Variants in SLC23A2 observed in about 807,000 individuals in gnomAD.
SLC23A2 encodes solute carrier family 23 member 2.
A neutral mutation model predicts 73.3 loss-of-function variants in SLC23A2; 36 were observed. The observed-to-expected ratio is 0.49, with a 90% CI of 0.38 to 0.65. SLC23A2 has a LOEUF of 0.65. SLC23A2 is among the 30% of genes least tolerant of loss of function. The pLI is 0.00. For synonymous variants in SLC23A2, 343 were observed against 327.3 expected, an observed-to-expected ratio of 1.05 and a Z score of -0.52; for missense variants, 507 against 841.6, an observed-to-expected ratio of 0.60 and a Z score of 4.92.
chr20:4,934,783 A>G (rs1307787260), intron 2 of SLC23A2, among the ~76,000 whole-genome samples: 1 of 151,948 alleles, frequency 6.6e-6, no homozygotes, highest in Non-Finnish European at 1.5e-5. Flanking sequence ...GGATCACTCG[A>G]ACCTGGGAGC....
chr20:4,925,193 A>G (rs1288816283), intron 3 of SLC23A2, among the ~76,000 whole-genome samples: 1 of 152,112 alleles, frequency 6.6e-6, no homozygotes, highest in Non-Finnish European at 1.5e-5. Flanking sequence ...AAAAAAAAAA[A>G]AAAAGGATGG....
intron 1 of SLC23A2, among the ~76,000 whole-genome samples, chr20:4,989,694 T>G (rs1388291776): frequency 6.6e-6 from 1 of 151,768 alleles, no homozygotes; most frequent in Non-Finnish European, 1.5e-5. Flanking sequence ...AATTTGCATA[T>G]GAAATAAAGT....
chr20:4,969,578 TC>T (rs2087529959), intron 2 of SLC23A2, among the ~76,000 whole-genome samples: 1 of 149,278 alleles, frequency 6.7e-6, no homozygotes, highest in African/African-American at 2.5e-5. Flanking sequence ...TCTGACAGCA[TC>T]CTTTTTTTTT....
intron 1 of SLC23A2, among the ~76,000 whole-genome samples, chr20:4,982,623 A>G (rs2087744424): frequency 1.3e-5 from 2 of 152,160 alleles, no homozygotes; most frequent in African/African-American, 4.8e-5. Flanking sequence ...ATATGAAGCT[A>G]TACTAATTAA....
intron 1 of SLC23A2, among the ~76,000 whole-genome samples, chr20:4,972,389 C>G (rs1008311763): frequency 1.3e-5 from 2 of 148,756 alleles, no homozygotes; most frequent in African/African-American, 5.0e-5. Flanking sequence ...AAACACTGGT[C>G]TTGTGCTATT....
At chr20:4,870,578 A>C (rs534895408) in intron 11 of SLC23A2, among the ~76,000 whole-genome samples, 23,213 of 149,136 alleles carry the variant, frequency 0.16, 2,008 homozygotes, top group African/African-American at 0.24. Flanking sequence ...CTCCATCTCA[A>C]AAAAAAAAAA....
chr20:4,956,426 T>A (rs2087289234), intron 2 of SLC23A2, among the ~76,000 whole-genome samples: 1 of 152,222 alleles, frequency 6.6e-6, no homozygotes, highest in Non-Finnish European at 1.5e-5. Flanking sequence ...TAATGGCACT[T>A]GGTAGAAGAA....
chr20:4,961,146 C>T (rs1600176097), intron 2 of SLC23A2, among the ~76,000 whole-genome samples: 1 of 138,498 alleles, frequency 7.2e-6, no homozygotes, highest in African/African-American at 2.7e-5. Flanking sequence ...CTCGCTCTGT[C>T]GCCCAGGCTG....
At chr20:4,922,117 AATC>A (rs1932516837) in intron 3 of SLC23A2, among the ~76,000 whole-genome samples, 1 of 152,200 alleles carries the variant, frequency 6.6e-6, no homozygotes, top group Admixed American at 6.5e-5. Context: ...TTTTATCTCT[AATC>A]ATTAAAACTA....
intron 1 of SLC23A2, among the ~76,000 whole-genome samples, chr20:4,987,909 A>G (rs1398333459): frequency 2.0e-5 from 3 of 152,040 alleles, no homozygotes; most frequent in African/African-American, 7.2e-5. Flanking sequence ...ATACCACTAA[A>G]GAATATTTAC....
intron 6 of SLC23A2, among the ~76,000 whole-genome samples, chr20:4,896,318 G>A (rs968988423): frequency 9.9e-5 from 15 of 152,108 alleles, no homozygotes; most frequent in Middle Eastern, 3.2e-3. Flanking sequence ...GAGGCCGTGC[G>A]GAGCAGGAGC....
At position 4,900,685 on chromosome 20, in the gene SLC23A2, T is replaced by A. The variant is rs567324986; in HGVS notation, c.325-973A>T. Among the ~76,000 whole-genome samples the A allele has an allele frequency of 7.2e-5, 11 of 152,280 alleles. No individual in the cohort carries two copies. The South Asian group carries it at 1.9e-3, about 26-fold the overall frequency. ...TCCAGTCAGGGCAGGGTTAAGGGCG[T>A]ACAGTAGCCATGGGAATCTTCCAGA... is the stretch of plus-strand genomic sequence containing the variant. On this transcript the variant is annotated intron_variant, in intron 5 of 16. Transcript: ENST00000338244.
chr20:5,003,534 C>A (rs1305570982), upstream of SLC23A2, among the ~76,000 whole-genome samples: 4 of 148,814 alleles, frequency 2.7e-5, no homozygotes, highest in African/African-American at 9.9e-5. Flanking sequence ...TTTTTTAATA[C>A]GATGTGTTTG....
At chr20:4,945,531 G>A (rs986989439) in intron 2 of SLC23A2, among the ~76,000 whole-genome samples, 12 of 152,064 alleles carry the variant, frequency 7.9e-5, no homozygotes, top group Non-Finnish European at 1.8e-4. Flanking sequence ...CAATCCTCCC[G>A]CCTCAGCCTC....
At chr20:4,860,158 A>G (rs1929899887) in intron 15 of SLC23A2, among the ~76,000 whole-genome samples, 1 of 152,244 alleles carries the variant, frequency 6.6e-6, no homozygotes, top group African/African-American at 2.4e-5. Flanking sequence ...AAGTACTCAA[A>G]TATGGCCCAC....
intron 2 of SLC23A2, among the ~76,000 whole-genome samples, chr20:4,954,287 A>T (rs1041373600): frequency 6.6e-6 from 1 of 152,218 alleles, no homozygotes; most frequent in African/African-American, 2.4e-5. Context: ...AGGCTAATAT[A>T]ATAGATATCA....
intron 6 of SLC23A2, among the ~76,000 whole-genome samples, chr20:4,890,469 A>G (rs1931290108): frequency 6.6e-6 from 1 of 152,110 alleles, no homozygotes; most frequent in Non-Finnish European, 1.5e-5. Flanking sequence ...CCTGGCCAAC[A>G]TGGAGAAACC....
At chr20:4,966,110 T>C (rs1469354912) in intron 2 of SLC23A2, among the ~76,000 whole-genome samples, 4 of 152,106 alleles carry the variant, frequency 2.6e-5, no homozygotes, top group Admixed American at 1.3e-4. Context: ...GTATTTGTGA[T>C]TCTTGGGTAA....
chr20:4,920,073 C>CA (rs1391989026), intron 3 of SLC23A2, among the ~76,000 whole-genome samples: 2 of 152,110 alleles, frequency 1.3e-5, no homozygotes, highest in Non-Finnish European at 2.9e-5. Flanking sequence ...CCAGCCTGGC[C>CA]AACATGGTGA....
Sources: gnomAD v4.1 joint callset for allele counts (sites outside exome capture counted in the v4.1 genomes callset) on GRCh38, gnomAD v4.1.1 for gene constraint, MANE v1.5 for transcripts, NCBI Gene and HGNC (gene_info 2026-07-23, HGNC 2026-07-21) for gene names.